The following PCNP variants were observed in gnomAD, a reference collection of about 807,000 sequenced individuals.
PCNP encodes the protein PEST proteolytic signal-containing nuclear protein.
Under a neutral mutation model 21.8 loss-of-function variants are expected in PCNP, and 6 were observed. The ratio of observed to expected loss-of-function variants is 0.28; its 90% CI spans 0.15 to 0.54. The LOEUF (loss-of-function observed/expected upper bound fraction) is 0.54. Ranked by LOEUF, PCNP falls within the 20% of genes least tolerant of loss-of-function variation. PCNP has a pLI of 0.95. For synonymous variants in PCNP, 67 were observed against 73.2 expected (o/e 0.92, Z 0.43); for missense variants, 161 against 215.5 (o/e 0.75, Z 1.58).
rs1238614923 is a variant in PCNP at position 101,593,665 on chromosome 3, TAAG to T, written c.*917_*919del. 3 of 152,552 alleles carry T rather than the reference TAAG, an allele frequency of 2.0e-5. No individual in the cohort carries two copies. The highest frequency in any genetic ancestry group is 4.8e-5 in the African/African-American group (2 of 41,452). 9.4% of individuals were successfully genotyped at this position (152,552 alleles called of 1,614,324 possible). A position where few individuals can be genotyped will look rare whatever the true frequency, so the allele number is the denominator to read the frequency against. On this transcript the variant is annotated 3_prime_UTR_variant, in exon 5 of 5. Coordinates refer to ENST00000265260, the MANE Select transcript of PCNP (RefSeq NM_020357.3). ...ATTAACATTGTATGAAGATGGAAAA[TAAG>T]AAGATGCACTTTCTGTAACTTTGTC...
At chr3:101,585,335 G>A (rs1037608739) in intron 2 of PCNP, 102 bp from the exon 3 acceptor site, 7 of 700,110 alleles carry the variant, frequency 1.0e-5, no homozygotes, top group African/African-American at 1.9e-5. Flanking sequence ...AAATTTCTGT[G>A]GAAATATAGT....
At chr3:101,585,391 TA>T in intron 2 of PCNP, 45 bp from the exon 3 acceptor site, 2 of 1,072,952 alleles carry the variant, frequency 1.9e-6, no homozygotes, top group Non-Finnish European at 2.8e-6. Context: ...CAAGCTTGTA[TA>T]AATGTTATCT....
At chr3:101,577,084 C>A in intron 1 of PCNP, 2 of 670,764 alleles carry the variant, frequency 3.0e-6, no homozygotes, top group African/African-American at 1.8e-5. Flanking sequence ...CTCGGCCTCC[C>A]GAAGTGCTGG....
chr3:101,590,146 G>A, intron 3 of PCNP, 69 bp from the exon 4 acceptor site: 2 of 808,786 alleles, frequency 2.5e-6, no homozygotes, highest in East Asian at 2.6e-5. Flanking sequence ...ATAAAATTTA[G>A]CGTATTAGTA....
chr3:101,585,640 T>G (rs748205621), intron 3 of PCNP, 129 bp downstream of exon 3: 3 of 581,784 alleles, frequency 5.2e-6, no homozygotes, highest in Non-Finnish European at 9.0e-6. Context: ...GTGTGTGACA[T>G]CCATAAAAAC....
intron 1 of PCNP, among the ~76,000 whole-genome samples, chr3:101,577,899 CAA>C (rs1192104434): frequency 5.9e-5 from 9 of 151,750 alleles, no homozygotes; most frequent in Admixed American, 2.0e-4. Context: ...AATGAAAAAA[CAA>C]AAAAATGCTA....
At chr3:101,576,425 T>A (rs1039125304) in intron 1 of PCNP, 64 of 1,241,886 alleles carry the variant, frequency 5.2e-5, no homozygotes, top group Admixed American at 2.3e-4. Context: ...ATTTTTTATT[T>A]TTTTTATTTT....
At chr3:101,585,204 C>A (rs1413246953) in intron 2 of PCNP, among the ~76,000 whole-genome samples, 1 of 152,062 alleles carries the variant, frequency 6.6e-6, no homozygotes, top group Non-Finnish European at 1.5e-5. Flanking sequence ...ACTAGAAAAT[C>A]TTTTATAGGA....
intron 1 of PCNP, among the ~76,000 whole-genome samples, chr3:101,576,324 TC>T (rs1934882643): frequency 6.6e-6 from 1 of 151,644 alleles, no homozygotes; most frequent in East Asian, 1.9e-4. Context: ...AAACTCCGTC[TC>T]CCCGATTCAA....
intron 2 of PCNP, among the ~76,000 whole-genome samples, chr3:101,584,813 C>T (rs1486871043): frequency 6.6e-6 from 1 of 152,148 alleles, no homozygotes; most frequent in African/African-American, 2.4e-5. Flanking sequence ...CCAGCCTGGC[C>T]AACATGGCGA....
chr3:101,579,752 A>G (rs1269808180), intron 1 of PCNP, 38 bp from the exon 2 acceptor site: 9 of 1,445,376 alleles, frequency 6.2e-6, no homozygotes, highest in Non-Finnish European at 8.8e-6. Context: ...TGCTCAGTAA[A>G]AATAGCTCAT....
intron 1 of PCNP, among the ~76,000 whole-genome samples, chr3:101,577,866 G>C (rs573447127): frequency 6.6e-6 from 1 of 152,122 alleles, no homozygotes; most frequent in African/African-American, 2.4e-5. Context: ...TGTGCTCTAA[G>C]GCTCACCCCT....
chr3:101,577,011 G>C (rs1934949609), intron 1 of PCNP: 1 of 814,462 alleles, frequency 1.2e-6, no homozygotes, highest in Non-Finnish European at 2.2e-6. Flanking sequence ...ATTTTTAGTA[G>C]AGACGAGATT....
At chr3:101,574,172 G>T, upstream of PCNP, 1 of 1,542,022 alleles carries the variant, frequency 6.5e-7, no homozygotes, top group Non-Finnish European at 8.8e-7. Context: ...GGGCGGGGTC[G>T]TGACGTCCTT....
At chr3:101,586,323 T>G (rs932770823) in intron 3 of PCNP, among the ~76,000 whole-genome samples, 8 of 152,084 alleles carry the variant, frequency 5.3e-5, no homozygotes, top group Non-Finnish European at 8.8e-5. Context: ...GCTTATCTGA[T>G]AGTGTCTTTG....
At chr3:101,588,172 G>A (rs1456571296) in intron 3 of PCNP, among the ~76,000 whole-genome samples, 1 of 152,190 alleles carries the variant, frequency 6.6e-6, no homozygotes, top group Non-Finnish European at 1.5e-5. Context: ...TCGGGAGGCT[G>A]AGGCAGGAGA....
chr3:101,583,831 T>TC (rs1935359485), intron 2 of PCNP, among the ~76,000 whole-genome samples: 1 of 134,836 alleles, frequency 7.4e-6, no homozygotes, highest in African/African-American at 2.7e-5. Context: ...TTTTTTTTTT[T>TC]TTTTTTTTTT....
At chr3:101,588,195 C>T (rs773895653) in intron 3 of PCNP, among the ~76,000 whole-genome samples, 36 of 152,146 alleles carry the variant, frequency 2.4e-4, no homozygotes, top group South Asian at 2.1e-4. Context: ...TGGTTGAACC[C>T]GGGGGGTGGA....
intron 1 of PCNP, among the ~76,000 whole-genome samples, chr3:101,577,342 C>T (rs992305024): frequency 2.0e-5 from 3 of 152,148 alleles, no homozygotes; most frequent in Non-Finnish European, 4.4e-5. Flanking sequence ...CCAAGAACTG[C>T]GTCAATGAAG....
Sources: allele counts gnomAD v4.1 joint callset (sites outside exome capture counted in the v4.1 genomes callset), GRCh38; gene constraint gnomAD v4.1.1; transcripts MANE v1.5; gene names NCBI Gene and HGNC (gene_info 2026-07-23, HGNC 2026-07-21).